The following PRRG1 variants were observed in gnomAD, a reference collection of about 807,000 sequenced individuals.
The protein encoded by PRRG1 is transmembrane gamma-carboxyglutamic acid protein 1.
A neutral mutation model predicts 11.8 loss-of-function variants in PRRG1; 5 were observed. That is an observed-to-expected ratio of 0.42 (90% CI 0.22 to 0.89). PRRG1 has a LOEUF of 0.89. Ranked by LOEUF, PRRG1 falls within the 40% of genes least tolerant of loss-of-function variation. PRRG1 has a pLI of 0.28. For missense variants in PRRG1, 155 were observed against 166.1 expected (o/e 0.93, Z 0.37); for synonymous variants, 66 against 60.4 (o/e 1.09, Z -0.43).
At chrX:37,432,277 C>G (rs914727854) in intron 3 of PRRG1, among the ~76,000 whole-genome samples, 5 of 104,320 alleles carry the variant, frequency 4.8e-5, no homozygotes, top group Non-Finnish European at 7.6e-5. Flanking sequence ...TTAGTAGAGA[C>G]GGCTTTCACC....
chrX:37,407,842 C>T (rs782681845), intron 2 of PRRG1, among the ~76,000 whole-genome samples: 69 of 111,596 alleles, frequency 6.2e-4, no homozygotes, highest in African/African-American at 2.1e-3. Flanking sequence ...TTTTGTTGCA[C>T]TTTGCTTGCC....
chrX:37,410,342 C>G (rs1932318965), intron 2 of PRRG1, among the ~76,000 whole-genome samples: 1 of 111,992 alleles, frequency 8.9e-6, no homozygotes, highest in African/African-American at 3.2e-5. Flanking sequence ...AATCCACAGA[C>G]TACTAATGGA....
intron 1 of PRRG1, among the ~76,000 whole-genome samples, chrX:37,368,299 A>G (rs1350935237): frequency 8.9e-6 from 1 of 112,109 alleles, no homozygotes; most frequent in African/African-American, 3.2e-5. Flanking sequence ...ATGATTGTGG[A>G]ATTATGGATT....
At chrX:37,406,078 T>C in intron 1 of PRRG1, 131 bp from the exon 2 acceptor site, 3 of 504,753 alleles carry the variant, frequency 5.9e-6, no homozygotes, top group Non-Finnish European at 9.3e-6. Context: ...AACATTTATG[T>C]AAGGGAGAAA....
At chrX:37,430,793 TG>T (rs1348282060) in intron 3 of PRRG1, among the ~76,000 whole-genome samples, 2 of 111,431 alleles carry the variant, frequency 1.8e-5, no homozygotes, top group Non-Finnish European at 3.8e-5. Flanking sequence ...TATAGTTCTG[TG>T]TCATTTTATC....
intron 1 of PRRG1, among the ~76,000 whole-genome samples, chrX:37,393,550 C>T (rs1931613859): frequency 9.0e-6 from 1 of 111,233 alleles, no homozygotes; most frequent in South Asian, 3.7e-4. Context: ...ACTGCATTTA[C>T]AAGGAAATCC....
intron 3 of PRRG1, among the ~76,000 whole-genome samples, chrX:37,445,436 A>C (rs904487628): frequency 4.5e-5 from 5 of 112,189 alleles, no homozygotes; most frequent in Non-Finnish European, 7.5e-5. Context: ...ATGAGTGTGC[A>C]CACTGAAGTT....
At chrX:37,423,871 A>G (rs1932728968) in intron 2 of PRRG1, among the ~76,000 whole-genome samples, 1 of 110,791 alleles carries the variant, frequency 9.0e-6, no homozygotes, top group Non-Finnish European at 1.9e-5. Flanking sequence ...CCTATACAGT[A>G]CCATTTTTTA....
intron 1 of PRRG1, among the ~76,000 whole-genome samples, chrX:37,402,542 C>G (rs1448847788): frequency 1.8e-5 from 2 of 111,496 alleles, no homozygotes; most frequent in Non-Finnish European, 3.8e-5. Flanking sequence ...AGAAGAAAAC[C>G]TAGGCATTAC....
intron 2 of PRRG1, among the ~76,000 whole-genome samples, chrX:37,414,209 T>C (rs1353890804): frequency 1.8e-5 from 2 of 112,513 alleles, no homozygotes; most frequent in Non-Finnish European, 3.8e-5. Context: ...ATGCTTGTTT[T>C]CTTACTGTTT....
intron 2 of PRRG1, among the ~76,000 whole-genome samples, chrX:37,414,854 T>C (rs1238028703): frequency 2.7e-5 from 3 of 112,390 alleles, no homozygotes; most frequent in African/African-American, 9.7e-5. Context: ...GCTAATGTTA[T>C]GTGCTTCTCT....
At position 37,402,188 on chromosome X, in the gene PRRG1, A is replaced by T. The variant is rs1241210939; in HGVS notation, c.-41-4021A>T. On this transcript the variant is annotated intron_variant, in intron 1 of 3. Transcript: ENST00000378628. ...AGCCCGCATCACCAAGTCAATCCTA[A>T]GCCAAAAGAACAAAGCTGGAGGCAT... 2.4e-3 allele frequency among the ~76,000 whole-genome samples: 269 copies of T among 111,681 alleles called. 1 individual carries two copies. Among genetic ancestry groups the T allele is most frequent in the African/African-American group, 8.2e-3 (251 of 30,535 alleles).
rs1921375807 is a variant in PRRG1 at position 37,456,814 on chromosome X, T to G, written c.*3193T>G. On this transcript the variant is annotated 3_prime_UTR_variant, in exon 4 of 4. Transcript: ENST00000378628. ...AAAAGTTTATTTTTACAGAATATATTTAGTACCTTTCTTAAGGAGTAACTG... is the reference window on the plus strand; with the variant it reads ...AAAAGTTTATTTTTACAGAATATATGTAGTACCTTTCTTAAGGAGTAACTG... 1 of 112,145 alleles carries G rather than the reference T, an allele frequency of 8.9e-6. No individual in the cohort carries two copies. Among genetic ancestry groups the G allele is most frequent in the East Asian group, 2.8e-4 (1 of 3,608 alleles). 9.2% of individuals were successfully genotyped at this position (112,145 alleles called of 1,213,427 possible).
chrX:37,372,112 T>A (rs1930780519), intron 1 of PRRG1, among the ~76,000 whole-genome samples: 1 of 112,869 alleles, frequency 8.9e-6, no homozygotes, highest in Non-Finnish European at 1.9e-5. Flanking sequence ...AAGATTTCCC[T>A]TTTCTTCATA....
chrX:37,429,081 G>A (rs183348283), intron 3 of PRRG1, among the ~76,000 whole-genome samples: 1 of 112,144 alleles, frequency 8.9e-6, no homozygotes, highest in East Asian at 2.8e-4. Flanking sequence ...GGGGACCCTG[G>A]GCCTGGCCCA....
intron 1 of PRRG1, among the ~76,000 whole-genome samples, chrX:37,361,394 A>G (rs1303489727): frequency 1.8e-5 from 2 of 111,666 alleles, no homozygotes; most frequent in Non-Finnish European, 3.8e-5. Context: ...TTGTGGGGTA[A>G]TAATTGGTAT....
At chrX:37,413,417 C>T (rs1213216336) in intron 2 of PRRG1, among the ~76,000 whole-genome samples, 3 of 111,131 alleles carry the variant, frequency 2.7e-5, no homozygotes, top group Non-Finnish European at 5.7e-5. Context: ...AGATTGGCTT[C>T]TTTCACTTAG....
rs1386105875 is a variant in PRRG1, at chrX:37,404,151, A to T, written c.-41-2058A>T. ...TTAAATATTAAAGAATAAACAAAAA[A>T]TAAAATATGAGAAGTCCTGCCAGAT... On this transcript the variant is annotated intron_variant, in intron 1 of 3. Transcript: ENST00000378628. Among the ~76,000 whole-genome samples, 8 of 112,012 alleles carry T rather than the reference A, an allele frequency of 7.1e-5. No homozygotes were observed. In the East Asian group the frequency reaches 2.3e-3, roughly 32 times the overall value.
chrX:37,421,938 A>G (rs781858240), intron 2 of PRRG1, among the ~76,000 whole-genome samples: 5 of 111,996 alleles, frequency 4.5e-5, no homozygotes, highest in African/African-American at 1.6e-4. Flanking sequence ...GTGAGATAAA[A>G]TCTACTTGCC....
Sources: allele counts gnomAD v4.1 joint callset (sites outside exome capture counted in the v4.1 genomes callset), GRCh38; gene constraint gnomAD v4.1.1; transcripts MANE v1.5; gene names NCBI Gene and HGNC (gene_info 2026-07-23, HGNC 2026-07-21).